H2BK1: variants seen among roughly 807,000 people sequenced by gnomAD.
H2BK1 encodes the protein histone H2B type 2-K1.
At chr7:151,209,628 T>G in the H2BK1 span, among the ~76,000 whole-genome samples, 1 of 152,114 alleles carries the variant, frequency 6.6e-6, no homozygotes, top group Non-Finnish European at 1.5e-5. Context: ...GGAAGGATGC[T>G]AGGGGCTTGC....
At chr7:151,209,465 C>T in the H2BK1 span, among the ~76,000 whole-genome samples, 35 of 152,306 alleles carry the variant, frequency 2.3e-4, no homozygotes, top group African/African-American at 6.7e-4. Context: ...ACATGGCTAC[C>T]CCCGCCTCCT....
chr7:151,210,427 G>C, the H2BK1 span: 7 of 351,922 alleles, frequency 2.0e-5, 1 homozygote, highest in Non-Finnish European at 2.5e-5. Context: ...GGGGGGGGGG[G>C]GCAGGTGGGA....
At chr7:151,207,845 A>G in the H2BK1 span, 33 of 823,556 alleles carry the variant, frequency 4.0e-5, no homozygotes, top group East Asian at 7.5e-4. Context: ...GAAACAGTTC[A>G]CCCTTTATTT....
chr7:151,208,459 T>C, the H2BK1 span, among the ~76,000 whole-genome samples: 1 of 152,226 alleles, frequency 6.6e-6, no homozygotes, highest in African/African-American at 2.4e-5. Flanking sequence ...TGTTCCACGG[T>C]ATGGATGTAT....
At chr7:151,209,355 C>T in the H2BK1 span, among the ~76,000 whole-genome samples, 3 of 140,154 alleles carry the variant, frequency 2.1e-5, no homozygotes, top group African/African-American at 7.7e-5. Context: ...ATTCACTAAA[C>T]CGCTAATGGG....
chr7:151,207,914 G>A, the H2BK1 span: 1 of 1,148,992 alleles, frequency 8.7e-7, no homozygotes, highest in Non-Finnish European at 1.3e-6. Context: ...GGTGCCCTCA[G>A]ACACAGCGTG....
At chr7:151,210,076 A>C in the H2BK1 span, 1 of 396,420 alleles carries the variant, frequency 2.5e-6, no homozygotes, top group African/African-American at 2.1e-5. Context: ...GGCCTGCCTG[A>C]GCCACTTGCC....
chr7:151,209,737 G>A, the H2BK1 span, among the ~76,000 whole-genome samples: 1 of 152,028 alleles, frequency 6.6e-6, no homozygotes, highest in East Asian at 1.9e-4. Context: ...CTATAAGGTG[G>A]ACAAACCCTA....
chr7:151,208,293 T>G, the H2BK1 span, among the ~76,000 whole-genome samples: 1 of 152,260 alleles, frequency 6.6e-6, no homozygotes, highest in Non-Finnish European at 1.5e-5. Flanking sequence ...GTTTTCTTTG[T>G]ACTGCTATGG....
chr7:151,209,179 C>T, the H2BK1 span, among the ~76,000 whole-genome samples: 2 of 152,128 alleles, frequency 1.3e-5, no homozygotes. Context: ...ATTTTTGCCC[C>T]TCAAAGTCGG....
the H2BK1 span, among the ~76,000 whole-genome samples, chr7:151,209,252 G>A: frequency 0.019 from 2,883 of 152,130 alleles, 98 homozygotes; most frequent in African/African-American, 0.066. Context: ...ACCAGAGTCT[G>A]TCCTCTGGTG....
the H2BK1 span, among the ~76,000 whole-genome samples, chr7:151,209,922 C>T: frequency 1.3e-5 from 2 of 152,206 alleles, no homozygotes; most frequent in African/African-American, 4.8e-5. Context: ...AATTATGTCC[C>T]ACCTAATCAC....
the H2BK1 span, chr7:151,210,396 C>A: frequency 3.6e-5 from 7 of 196,416 alleles, no homozygotes; most frequent in Admixed American, 4.2e-4. Context: ...CCAGGTGTGG[C>A]TGGGGACATG....
chr7:151,208,332 C>G, the H2BK1 span, among the ~76,000 whole-genome samples: 1 of 152,318 alleles, frequency 6.6e-6, no homozygotes, highest in East Asian at 1.9e-4. Context: ...AAGAAGTTTT[C>G]AACTGCAGGA....
the H2BK1 span, among the ~76,000 whole-genome samples, chr7:151,209,459 G>A: frequency 1.3e-5 from 2 of 152,200 alleles, no homozygotes; most frequent in South Asian, 2.1e-4. Flanking sequence ...GGCAACACAT[G>A]GCTACCCCCG....
the H2BK1 span, chr7:151,208,028 G>A: frequency 2.1e-5 from 34 of 1,611,016 alleles, no homozygotes; most frequent in African/African-American, 2.7e-5. Flanking sequence ...AGCCTCACAC[G>A]CCAGCTGCTC....
At chr7:151,209,937 T>C in the H2BK1 span, among the ~76,000 whole-genome samples, 5 of 152,200 alleles carry the variant, frequency 3.3e-5, no homozygotes, top group African/African-American at 7.2e-5. Context: ...AATCACGTTA[T>C]CTCATCATCG....
chr7:151,210,162 A>G, the H2BK1 span: 1 of 399,032 alleles, frequency 2.5e-6, no homozygotes, highest in Non-Finnish European at 4.4e-6. Flanking sequence ...GGCATCCCTC[A>G]CACACATCCT....
chr7:151,210,230 C>T, the H2BK1 span: 7 of 399,110 alleles, frequency 1.8e-5, no homozygotes, highest in African/African-American at 6.2e-5. Flanking sequence ...GGACTCCTTG[C>T]GCCGACAGCG....
Sources: gnomAD v4.1 joint callset for allele counts (sites outside exome capture counted in the v4.1 genomes callset) on GRCh38, gnomAD v4.1.1 for gene constraint, MANE v1.5 for transcripts, NCBI Gene and HGNC (gene_info 2026-07-23, HGNC 2026-07-21) for gene names.